Variants in MBD5 observed in about 807,000 individuals in gnomAD.
The protein encoded by MBD5 is methyl-CpG-binding domain protein 5.
MBD5 carries 13 observed loss-of-function variants against 117.3 expected under a neutral mutation model. The observed-to-expected ratio is 0.11, with a 90% CI of 0.07 to 0.18. The LOEUF is 0.18. Among genes scored for constraint, MBD5 ranks in the 10% least tolerant of loss-of-function variants. The probability of loss-of-function intolerance (pLI) is 1.00; values close to 1 mark genes in which losing one functional copy is unlikely to be tolerated. For synonymous variants in MBD5, 727 were observed against 766.4 expected (o/e 0.95, Z 0.85); for missense variants, 1,879 against 2,093.8 (o/e 0.90, Z 2.00).
chr2:148,049,121 CAT>C (rs970941345), intron 1 of MBD5, among the ~76,000 whole-genome samples: 24 of 152,328 alleles, frequency 1.6e-4, no homozygotes, highest in African/African-American at 3.1e-4. Flanking sequence ...TTTCTGGTAA[CAT>C]GTGATGGATT....
intron 4 of MBD5, among the ~76,000 whole-genome samples, chr2:148,426,341 A>C (rs1309136982): frequency 1.5e-4 from 23 of 151,364 alleles, no homozygotes; most frequent in Non-Finnish European, 2.2e-4. Context: ...CCCGCATCGC[A>C]AAGTCAATCC....
At chr2:148,044,276 T>C (rs1412040099) in intron 1 of MBD5, 1 of 152,236 alleles carries the variant, frequency 6.6e-6, no homozygotes, top group African/African-American at 2.4e-5. Flanking sequence ...TGAACTTTAG[T>C]CTAGTAGGGA....
intron 1 of MBD5, among the ~76,000 whole-genome samples, chr2:148,059,817 G>C (rs1245929434): frequency 6.6e-6 from 1 of 151,220 alleles, no homozygotes; most frequent in African/African-American, 2.4e-5. Context: ...CTGCACCCCA[G>C]CCTGGGAGAC....
chr2:148,363,915 A>T (rs967388627), intron 4 of MBD5, among the ~76,000 whole-genome samples: 1 of 152,184 alleles, frequency 6.6e-6, no homozygotes, highest in Non-Finnish European at 1.5e-5. Context: ...AAGTTGGAAA[A>T]CACTCTTCAG....
intron 4 of MBD5, among the ~76,000 whole-genome samples, chr2:148,445,506 T>G (rs1706472083): frequency 6.6e-6 from 1 of 151,412 alleles, no homozygotes; most frequent in Non-Finnish European, 1.5e-5. Flanking sequence ...ATGGTGTATA[T>G]GTGCCACATT....
chr2:148,226,663 T>C (rs1219449253), intron 2 of MBD5, among the ~76,000 whole-genome samples: 2 of 152,166 alleles, frequency 1.3e-5, no homozygotes, highest in African/African-American at 4.8e-5. Flanking sequence ...GTATTTCTAG[T>C]TCTAGATCCC....
chr2:148,327,270 T>A (rs1157841003), intron 3 of MBD5, among the ~76,000 whole-genome samples: 1 of 152,088 alleles, frequency 6.6e-6, no homozygotes, highest in East Asian at 1.9e-4. Context: ...GCCCTTAACA[T>A]TTTTTCCTTC....
intron 11 of MBD5, among the ~76,000 whole-genome samples, chr2:148,491,084 G>A (rs1283212407): frequency 1.3e-5 from 2 of 152,260 alleles, no homozygotes; most frequent in East Asian, 3.8e-4. Context: ...TACAGTCTGG[G>A]TGGAGTTGCA....
At chr2:148,145,037 G>T (rs374856403) in intron 1 of MBD5, among the ~76,000 whole-genome samples, 120 of 152,302 alleles carry the variant, frequency 7.9e-4, no homozygotes, top group African/African-American at 2.8e-3. Context: ...ATTACCTTGG[G>T]CAGTATGGCC....
chr2:148,122,539 G>A (rs901594944), intron 1 of MBD5, among the ~76,000 whole-genome samples: 5 of 152,136 alleles, frequency 3.3e-5, no homozygotes, highest in South Asian at 2.1e-4. Context: ...AGTTGTTAAT[G>A]TTTAAAAATT....
At chr2:148,180,274 G>A (rs1698493361) in intron 2 of MBD5, among the ~76,000 whole-genome samples, 1 of 145,258 alleles carries the variant, frequency 6.9e-6, no homozygotes, top group African/African-American at 2.5e-5. Flanking sequence ...ATAATGATTA[G>A]ATAACTATTT....
intron 1 of MBD5, chr2:148,044,818 C>T (rs1051212656): frequency 6.6e-6 from 1 of 152,020 alleles, no homozygotes; most frequent in African/African-American, 2.4e-5. Flanking sequence ...TTCATGTCTC[C>T]TATGGTCATC....
At chr2:148,299,762 C>T (rs1701739734) in intron 3 of MBD5, among the ~76,000 whole-genome samples, 1 of 152,120 alleles carries the variant, frequency 6.6e-6, no homozygotes, top group Non-Finnish European at 1.5e-5. Context: ...TGTATGATCT[C>T]CATTTTCAAA....
At chr2:148,249,946 T>G (rs1404356844) in intron 3 of MBD5, among the ~76,000 whole-genome samples, 1 of 152,126 alleles carries the variant, frequency 6.6e-6, no homozygotes, top group African/African-American at 2.4e-5. Flanking sequence ...TTATATAAAA[T>G]GTAAATAGCG....
intron 4 of MBD5, among the ~76,000 whole-genome samples, chr2:148,349,433 C>T (rs1703198928): frequency 6.6e-6 from 1 of 151,862 alleles, no homozygotes; most frequent in Non-Finnish European, 1.5e-5. Flanking sequence ...ATCATCATTA[C>T]TCTGTAAATT....
intron 1 of MBD5, among the ~76,000 whole-genome samples, chr2:148,060,894 C>A (rs1441944535): frequency 6.6e-6 from 1 of 152,028 alleles, no homozygotes; most frequent in Non-Finnish European, 1.5e-5. Context: ...CAAAGAGGCT[C>A]TATATGTTTC....
chr2:148,480,073 C>T (rs1298608411), intron 8 of MBD5, among the ~76,000 whole-genome samples: 1 of 151,732 alleles, frequency 6.6e-6, no homozygotes, highest in Non-Finnish European at 1.5e-5. Flanking sequence ...TTTCATGGTT[C>T]TATTCTATTG....
rs571013428 is a variant in MBD5, at chr2:148,402,475, C to G, written c.-556-55728C>G. ...CACTGCAATCAAGATAATGAAAATA[C>G]AACCACCAAAAGTTTTCTTGTATTT... On this transcript the variant is annotated intron_variant, in intron 4 of 13. Transcript: ENST00000642680. Among the ~76,000 whole-genome samples the G allele has an allele frequency of 2.0e-5, 3 of 152,182 alleles. No homozygotes were observed. The East Asian group carries it at 5.8e-4, about 29-fold the overall frequency.
At chr2:148,085,867 A>G (rs891419199) in intron 1 of MBD5, among the ~76,000 whole-genome samples, 2 of 152,232 alleles carry the variant, frequency 1.3e-5, no homozygotes, top group African/African-American at 4.8e-5. Flanking sequence ...GTGAATTTGC[A>G]AAAAGATCTG....
Sources: allele counts gnomAD v4.1 joint callset (sites outside exome capture counted in the v4.1 genomes callset), GRCh38; gene constraint gnomAD v4.1.1; transcripts MANE v1.5; gene names NCBI Gene and HGNC (gene_info 2026-07-23, HGNC 2026-07-21).